Variants in MPPED1 observed in about 807,000 individuals in gnomAD.
MPPED1 encodes metallophosphoesterase domain-containing protein 1.
Under a neutral mutation model 36.2 loss-of-function variants are expected in MPPED1, and 16 were observed. The ratio of observed to expected loss-of-function variants is 0.44; its 90% CI spans 0.30 to 0.67. The LOEUF (loss-of-function observed/expected upper bound fraction) is 0.67. MPPED1 is among the 30% of genes least tolerant of loss of function. The probability of loss-of-function intolerance (pLI) is 0.10; values close to 1 mark genes in which losing one functional copy is unlikely to be tolerated. For synonymous variants in MPPED1, 199 were observed against 191.3 expected (o/e 1.04, Z -0.33); for missense variants, 307 against 453.4 (o/e 0.68, Z 2.93).
chr22:43,479,515 G>A (rs1931683601), intron 4 of MPPED1, among the ~76,000 whole-genome samples: 1 of 152,206 alleles, frequency 6.6e-6, no homozygotes, highest in South Asian at 2.1e-4. Flanking sequence ...CCCATAGGCA[G>A]GCGCCCAGGG....
chr22:43,438,550 C>T (rs1358990774), intron 3 of MPPED1, among the ~76,000 whole-genome samples: 2 of 151,872 alleles, frequency 1.3e-5, no homozygotes, highest in African/African-American at 4.8e-5. Context: ...TTTTCAAAGG[C>T]CATGATGGAT....
At chr22:43,432,854 G>GAGAGAAAGGGAGGAGAGAGAGAGGGAA (rs1277704217) in intron 2 of MPPED1, among the ~76,000 whole-genome samples, 4 of 116,650 alleles carry the variant, frequency 3.4e-5, no homozygotes, top group Admixed American at 9.4e-5. Context: ...AGGGAGGAGA[G>GAGAGAAAGGGAGGAGAGAGAGAGGGAA]AGAGAAAGGG....
At chr22:43,442,231 C>T (rs1930173627) in intron 3 of MPPED1, among the ~76,000 whole-genome samples, 1 of 152,068 alleles carries the variant, frequency 6.6e-6, no homozygotes, top group African/African-American at 2.4e-5. Flanking sequence ...TCATGGCTGT[C>T]TGTCCCCTGC....
intron 3 of MPPED1, among the ~76,000 whole-genome samples, chr22:43,465,230 G>A (rs1569078566): frequency 6.6e-6 from 1 of 152,234 alleles, no homozygotes; most frequent in East Asian, 1.9e-4. Context: ...CGTGGCATGG[G>A]CCTTGAAGTC....
chr22:43,425,308 G>A (rs1569064611), intron 2 of MPPED1, 99 bp downstream of exon 2: 1 of 1,443,968 alleles, frequency 6.9e-7, no homozygotes. Context: ...ACTGTAACAA[G>A]CATTGAATGT....
chr22:43,502,608 C>T lies in MPPED1; in HGVS notation c.749-36C>T. ...TGGGGCAGTGAGGGGCTGGGACAGACCGCGTCATGGCCTCCTGTTGTCTCC... is the reference window on the plus strand; with the variant it reads ...TGGGGCAGTGAGGGGCTGGGACAGATCGCGTCATGGCCTCCTGTTGTCTCC... On this transcript the variant is annotated intron_variant, in intron 5 of 6. Transcript: ENST00000443721. The surrounding 1 kb of genome is among the most constrained non-coding windows in gnomAD (Gnocchi z 5.5). 1 of 1,563,240 alleles carries T rather than the reference C, an allele frequency of 6.4e-7. No individual in the cohort carries two copies. Among genetic ancestry groups the T allele is most frequent in the Middle Eastern group, 1.7e-4 (1 of 5,928 alleles).
At chr22:43,443,484 C>G (rs1421890985) in intron 3 of MPPED1, among the ~76,000 whole-genome samples, 1 of 152,048 alleles carries the variant, frequency 6.6e-6, no homozygotes, top group Non-Finnish European at 1.5e-5. Flanking sequence ...GCAGTAGAGG[C>G]TTGGCTCTGG....
In MPPED1 at chr22:43,469,322, T is replaced by C. The variant is rs1931283191; in HGVS notation, c.407-5414T>C. 2.0e-5 allele frequency among the ~76,000 whole-genome samples: 3 copies of C among 152,132 alleles called. No homozygotes were observed. In the South Asian group the frequency reaches 6.2e-4, roughly 32 times the overall value. ...GAAGAGTTTGTATTCATTTAATTTT[T>C]CCCCCATAAAGCCCCTGAAAATCAA... On this transcript the variant is annotated intron_variant, in intron 3 of 6. Coordinates refer to ENST00000443721, the MANE Select transcript of MPPED1 (RefSeq NM_001044370.2).
In MPPED1 at chr22:43,502,735, T is replaced by G. The variant is rs770964230; in HGVS notation, c.840T>G (p.His280Gln). 1 of 1,613,160 alleles carries G rather than the reference T, an allele frequency of 6.2e-7. No homozygotes were observed. The highest frequency in any genetic ancestry group is 8.5e-7 in the Non-Finnish European group (1 of 1,179,860). ...AGAGGCGCGTCCAGCCGCGGTTACA[T>G]GTCTTTGGCCACATCCACGAAGGTC... is the stretch of plus-strand genomic sequence containing the variant. ...TVQRRVQPRLHVFGHIHEGYG... is the reference protein window; with the variant it reads ...TVQRRVQPRLQVFGHIHEGYG... The change falls in exon 6 of 7, where the codon CAT becomes CAG. Residue 280 changes from histidine (H) to glutamine (Q), a missense_variant. His to Gln is a conservative substitution (Grantham distance 24, BLOSUM62 0). This residue lies in a region of MPPED1 where 132 missense variants were observed against 212.3 expected (regional missense o/e 0.62). Coordinates refer to ENST00000443721, the MANE Select transcript of MPPED1 (RefSeq NM_001044370.2). This position sits in a 1 kb window ranked among gnomAD's most constrained non-coding sequence, Gnocchi z 5.5.
At chr22:43,482,466 C>G (rs34510507) in intron 4 of MPPED1, among the ~76,000 whole-genome samples, 58,737 of 152,030 alleles carry the variant, frequency 0.39, 12,084 homozygotes, top group East Asian at 0.58. Flanking sequence ...TCTGTGGGAG[C>G]CAGTGGCCTC....
intron 3 of MPPED1, among the ~76,000 whole-genome samples, chr22:43,447,924 G>C (rs1235017246): frequency 7.7e-6 from 1 of 130,704 alleles, no homozygotes; most frequent in East Asian, 2.1e-4. Flanking sequence ...TGTTGCCCAG[G>C]CTGGAGTGCA....
At chr22:43,435,238 G>A (rs377304634) in intron 3 of MPPED1, 23 bp downstream of exon 3, 37 of 1,589,156 alleles carry the variant, frequency 2.3e-5, no homozygotes, top group East Asian at 1.6e-4. Context: ...TGCCCCGGGC[G>A]GGCGGCTGTG....
chr22:43,475,626 T>C (rs1931536821), intron 4 of MPPED1, among the ~76,000 whole-genome samples: 1 of 111,882 alleles, frequency 8.9e-6, no homozygotes, highest in African/African-American at 4.0e-5. Context: ...ATGGTGATGA[T>C]GGTGGTGATG....
intron 2 of MPPED1, among the ~76,000 whole-genome samples, chr22:43,433,046 T>C (rs1283481122): frequency 6.6e-6 from 1 of 152,034 alleles, no homozygotes; most frequent in East Asian, 1.9e-4. Context: ...TGGCTGCCCT[T>C]GGTCTGATCA....
intron 3 of MPPED1, among the ~76,000 whole-genome samples, chr22:43,445,885 C>CT (rs1395810860): frequency 7.9e-5 from 8 of 101,078 alleles, no homozygotes; most frequent in Non-Finnish European, 7.1e-5. Context: ...TTTACATTTT[C>CT]TTTTTTTTTT....
At chr22:43,430,049 T>C (rs1389273512) in intron 2 of MPPED1, among the ~76,000 whole-genome samples, 2 of 152,174 alleles carry the variant, frequency 1.3e-5, no homozygotes, top group African/African-American at 4.8e-5. Context: ...CCAGTCATTG[T>C]GCCTCCCCAG....
intron 4 of MPPED1, among the ~76,000 whole-genome samples, chr22:43,482,516 C>T (rs1378650861): frequency 6.6e-6 from 1 of 152,198 alleles, no homozygotes; most frequent in Non-Finnish European, 1.5e-5. Context: ...CTGCTCCAGA[C>T]CATTCTGGAA....
At chr22:43,480,753 G>C (rs948615972) in intron 4 of MPPED1, among the ~76,000 whole-genome samples, 5 of 151,692 alleles carry the variant, frequency 3.3e-5, no homozygotes, top group Admixed American at 6.6e-5. Flanking sequence ...TGTGATAAAT[G>C]CTTTTGGTAC....
intron 4 of MPPED1, among the ~76,000 whole-genome samples, chr22:43,477,599 T>C (rs989681536): frequency 6.6e-6 from 1 of 152,200 alleles, no homozygotes; most frequent in Admixed American, 6.5e-5. Flanking sequence ...ATTTAGGACC[T>C]GGTCTCATCT....
Sources: gnomAD v4.1 joint callset for allele counts (sites outside exome capture counted in the v4.1 genomes callset) on GRCh38, gnomAD v4.1.1 for gene constraint, gnomAD v4.1.1 regional missense constraint, Gnocchi (gnomAD v3.1) non-coding constraint, MANE v1.5 for transcripts, NCBI Gene and HGNC (gene_info 2026-07-23, HGNC 2026-07-21) for gene names.